TMEM232: variants seen among roughly 807,000 people sequenced by gnomAD.
TMEM232 encodes transmembrane protein 232.
Under a neutral mutation model 78.8 loss-of-function variants are expected in TMEM232, and 80 were observed. The ratio of observed to expected loss-of-function variants is 1.01; its 90% confidence interval spans 0.85 to 1.22. TMEM232 has a LOEUF of 1.22. Among genes scored for constraint, TMEM232 ranks in the 50% most tolerant of loss-of-function variants. The pLI is 0.00. For synonymous variants in TMEM232, 297 were observed against 254.3 expected, an observed-to-expected ratio of 1.17 and a Z score of -1.60; for missense variants, 881 against 742.2, an observed-to-expected ratio of 1.19 and a Z score of -2.17.
intron 2 of TMEM232, among the ~76,000 whole-genome samples, chr5:110,412,087 C>T (rs562212381): frequency 2.0e-5 from 3 of 152,150 alleles, no homozygotes; most frequent in East Asian, 3.9e-4. Context: ...CTCAGAGACA[C>T]AGAAATAAGT....
chr5:110,653,404 A>G (rs939078608), intron 2 of TMEM232, among the ~76,000 whole-genome samples: 3 of 152,218 alleles, frequency 2.0e-5, no homozygotes, highest in Non-Finnish European at 1.5e-5. Flanking sequence ...CAGTGCTGTA[A>G]AACTGTTAGT....
chr5:110,428,183 C>T (rs955255881), intron 12 of TMEM232, among the ~76,000 whole-genome samples: 3 of 151,752 alleles, frequency 2.0e-5, no homozygotes, highest in Admixed American at 2.0e-4. Flanking sequence ...TCTCTATGTC[C>T]ATGAGTTCAA....
intron 10 of TMEM232, among the ~76,000 whole-genome samples, chr5:110,590,150 C>G (rs998022533): frequency 6.6e-6 from 1 of 152,112 alleles, no homozygotes; most frequent in Non-Finnish European, 1.5e-5. Flanking sequence ...AAAACCACCA[C>G]TCAGCACTTC....
At chr5:110,732,117 A>G (rs1798727083) in intron 2 of TMEM232, among the ~76,000 whole-genome samples, 1 of 152,186 alleles carries the variant, frequency 6.6e-6, no homozygotes, top group East Asian at 1.9e-4. Context: ...ATATAACAAG[A>G]GTCACCTTTG....
At chr5:110,416,015 A>C (rs1220890848), downstream of TMEM232, among the ~76,000 whole-genome samples, 3 of 152,214 alleles carry the variant, frequency 2.0e-5, no homozygotes, top group Non-Finnish European at 4.4e-5. Context: ...TAACAAGCCA[A>C]ATTATCCTTG....
intron 11 of TMEM232, among the ~76,000 whole-genome samples, chr5:110,557,573 T>C (rs1453806263): frequency 1.3e-5 from 2 of 152,160 alleles, no homozygotes; most frequent in Non-Finnish European, 2.9e-5. Context: ...GCTTAGACTC[T>C]TGGGAGGCTT....
chr5:110,463,935 G>A (rs1419997936), intron 12 of TMEM232, among the ~76,000 whole-genome samples: 1 of 152,236 alleles, frequency 6.6e-6, no homozygotes, highest in Middle Eastern at 3.4e-3. Flanking sequence ...CTTTTCACCT[G>A]GAGGCCTTTG....
At chr5:110,537,220 T>C (rs1392510960) in intron 11 of TMEM232, among the ~76,000 whole-genome samples, 3 of 152,100 alleles carry the variant, frequency 2.0e-5, no homozygotes, top group Non-Finnish European at 4.4e-5. Flanking sequence ...GATTCCCTGC[T>C]TGGCTGCATC....
At chr5:110,698,194 C>A (rs1016406886) in intron 1 of TMEM232, among the ~76,000 whole-genome samples, 2 of 151,748 alleles carry the variant, frequency 1.3e-5, no homozygotes, top group South Asian at 2.1e-4. Context: ...AGGAAAAAAA[C>A]CAAACACCGC....
At chr5:110,656,416 G>A (rs533869106) in intron 2 of TMEM232, among the ~76,000 whole-genome samples, 2 of 151,678 alleles carry the variant, frequency 1.3e-5, no homozygotes, top group African/African-American at 2.4e-5. Context: ...ATTTTTTTTT[G>A]TTTGAGTTAG....
At chr5:110,477,579 C>A (rs1033426332) in intron 12 of TMEM232, among the ~76,000 whole-genome samples, 3 of 151,760 alleles carry the variant, frequency 2.0e-5, no homozygotes, top group African/African-American at 7.2e-5. Flanking sequence ...ATCACACCGT[C>A]CTTTCATGGT....
chr5:110,644,834 A>C (rs2150032261), intron 2 of TMEM232, among the ~76,000 whole-genome samples: 1 of 151,662 alleles, frequency 6.6e-6, no homozygotes, highest in South Asian at 2.1e-4. Context: ...AAAATAAACA[A>C]AATTGAAAAA....
chr5:110,637,552 CAT>C (rs903070518), intron 5 of TMEM232, among the ~76,000 whole-genome samples: 1 of 151,156 alleles, frequency 6.6e-6, no homozygotes, highest in African/African-American at 2.4e-5. Flanking sequence ...TTGTTTCATT[CAT>C]ATATATATGA....
At chr5:110,579,196 A>G (rs2149719839) in intron 10 of TMEM232, among the ~76,000 whole-genome samples, 1 of 151,622 alleles carries the variant, frequency 6.6e-6, no homozygotes, top group East Asian at 1.9e-4. Flanking sequence ...GTGAGATGAT[A>G]TGTTCAAAGG....
chr5:110,588,179 A>G (rs1779089078), intron 10 of TMEM232, among the ~76,000 whole-genome samples: 1 of 152,152 alleles, frequency 6.6e-6, no homozygotes, highest in African/African-American at 2.4e-5. Flanking sequence ...ATGAATCAAA[A>G]TGAAACATAC....
intron 1 of TMEM232, among the ~76,000 whole-genome samples, chr5:110,712,901 C>T (rs1561555225): frequency 6.6e-6 from 1 of 152,134 alleles, no homozygotes; most frequent in Non-Finnish European, 1.5e-5. Context: ...AGCAATATAA[C>T]TGCTGTGTAT....
At chr5:110,460,247 T>C (rs1761356430) in intron 12 of TMEM232, among the ~76,000 whole-genome samples, 4 of 151,946 alleles carry the variant, frequency 2.6e-5, no homozygotes, top group Admixed American at 2.6e-4. Flanking sequence ...GGGAAAAAGG[T>C]ATGATGTCTG....
chr5:110,719,354 G>C (rs769146897), intron 1 of TMEM232, among the ~76,000 whole-genome samples: 2 of 151,740 alleles, frequency 1.3e-5, no homozygotes, highest in South Asian at 2.1e-4. Flanking sequence ...TTCTCCATTT[G>C]AGACATTCTG....
chr5:110,660,146 A>G (rs763686087), intron 2 of TMEM232, among the ~76,000 whole-genome samples: 5 of 152,106 alleles, frequency 3.3e-5, no homozygotes, highest in Non-Finnish European at 5.9e-5. Context: ...AGAAAACAGA[A>G]GACAATAAGA....
Sources: gnomAD v4.1 joint callset for allele counts (sites outside exome capture counted in the v4.1 genomes callset) on GRCh38, gnomAD v4.1.1 for gene constraint, MANE v1.5 for transcripts, NCBI Gene and HGNC (gene_info 2026-07-23, HGNC 2026-07-21) for gene names.